Variants in GLTP observed in about 807,000 individuals in gnomAD.
The protein encoded by GLTP is glycolipid transfer protein.
A neutral mutation model predicts 24.0 loss-of-function variants in GLTP; 22 were observed. That is an observed-to-expected ratio of 0.92 (90% CI 0.65 to 1.31). The LOEUF (loss-of-function observed/expected upper bound fraction) is 1.31. Among genes scored for constraint, GLTP ranks in the 50% most tolerant of loss-of-function variants. GLTP has a pLI of 0.00. For missense variants in GLTP, 224 were observed against 276.6 expected, an observed-to-expected ratio of 0.81 and a Z score of 1.35; for synonymous variants, 92 against 115.9, an observed-to-expected ratio of 0.79 and a Z score of 1.33.
At chr12:109,868,813 A>G (rs1432458472) in intron 1 of GLTP, among the ~76,000 whole-genome samples, 1 of 152,148 alleles carries the variant, frequency 6.6e-6, no homozygotes. Flanking sequence ...AAGACACTCA[A>G]ATTACAGCTG....
intron 1 of GLTP, among the ~76,000 whole-genome samples, chr12:109,871,258 T>C (rs567159322): frequency 6.6e-6 from 1 of 152,036 alleles, no homozygotes; most frequent in East Asian, 1.9e-4. Context: ...AATTTTTTTT[T>C]GTATTTTTAG....
intron 1 of GLTP, among the ~76,000 whole-genome samples, chr12:109,867,843 T>C (rs1002771168): frequency 6.7e-6 from 1 of 150,112 alleles, no homozygotes; most frequent in Admixed American, 6.7e-5. Flanking sequence ...ACTGACACGA[T>C]CTCAGCTCAC....
At chr12:109,871,803 C>T (rs1414977579) in intron 1 of GLTP, among the ~76,000 whole-genome samples, 1 of 152,226 alleles carries the variant, frequency 6.6e-6, no homozygotes, top group Non-Finnish European at 1.5e-5. Context: ...TGAATTCCTC[C>T]CATTCCTTTT....
rs143652458 is a variant in GLTP, at chr12:109,854,042, G to A, written c.448-1305C>T. 1.8e-3 allele frequency among the ~76,000 whole-genome samples: 266 copies of A among 149,736 alleles called. 1 individual carries two copies. The highest frequency in any genetic ancestry group is 2.8e-3 in the Non-Finnish European group (192 of 67,512). ...TTACAGGCATGAGCCACCGCGCCTG[G>A]CCAAATATTATTCTTTCATAATAAA... On this transcript the variant is annotated intron_variant, in intron 4 of 4. Coordinates refer to ENST00000318348, the MANE Select transcript of GLTP (RefSeq NM_016433.4).
intron 1 of GLTP, among the ~76,000 whole-genome samples, chr12:109,872,324 G>A (rs2136049059): frequency 6.6e-6 from 1 of 152,064 alleles, no homozygotes; most frequent in East Asian, 1.9e-4. Context: ...ACAGCTGTTG[G>A]GAAACGGAGC....
At chr12:109,873,764 A>C (rs1408862346) in intron 1 of GLTP, among the ~76,000 whole-genome samples, 3 of 151,872 alleles carry the variant, frequency 2.0e-5, no homozygotes, top group African/African-American at 7.3e-5. Flanking sequence ...AGCTGTGATC[A>C]CCCCACTGCA....
intron 1 of GLTP, among the ~76,000 whole-genome samples, chr12:109,871,081 C>CTTTTTTTTT (rs965998479): frequency 2.6e-5 from 3 of 114,434 alleles, no homozygotes; most frequent in African/African-American, 3.4e-5. Context: ...CATTTCCATT[C>CTTTTTTTTT]TTTTTTTTTT....
intron 1 of GLTP, chr12:109,860,399 T>C (rs1354722553): frequency 4.7e-6 from 1 of 214,094 alleles, no homozygotes; most frequent in East Asian, 1.1e-4. Flanking sequence ...TTCTCGCCAT[T>C]GTCTTCAATA....
At chr12:109,876,616 G>C (rs1444469236) in intron 1 of GLTP, among the ~76,000 whole-genome samples, 1 of 148,372 alleles carries the variant, frequency 6.7e-6, no homozygotes, top group Non-Finnish European at 1.5e-5. Flanking sequence ...AAGGGAGGAA[G>C]GGAGGGGGAG....
At chr12:109,854,505 T>G (rs2136041887) in intron 4 of GLTP, among the ~76,000 whole-genome samples, 1 of 152,346 alleles carries the variant, frequency 6.6e-6, no homozygotes, top group East Asian at 1.9e-4. Context: ...TATACCCATT[T>G]GAAAGATGAT....
At chr12:109,856,872 A>G (rs1000700568) in intron 3 of GLTP, among the ~76,000 whole-genome samples, 2 of 152,102 alleles carry the variant, frequency 1.3e-5, no homozygotes, top group African/African-American at 4.8e-5. Context: ...TGTCTCTACT[A>G]AAAATACAAA....
intron 1 of GLTP, among the ~76,000 whole-genome samples, chr12:109,864,795 T>C (rs1424492038): frequency 6.6e-6 from 1 of 152,210 alleles, no homozygotes; most frequent in African/African-American, 2.4e-5. Context: ...ACGATTTTAA[T>C]TCCCAAGCAT....
Position 109,858,687 on chromosome 12 carries a change from ATGT to A in GLTP, c.155_157del (p.Asn52del). The A allele has an allele frequency of 6.2e-7, 1 of 1,612,332 alleles. No homozygotes were observed. The highest frequency in any genetic ancestry group is 2.2e-5 in the East Asian group (1 of 44,862). On this transcript the variant is annotated inframe_deletion, in exon 2 of 5. Transcript: ENST00000318348. ...GCTGCCCGGCCAGGTACATACCGTGATGTTGCCGCTTATGTCTGCCTTGATGGG... is the reference window on the plus strand; with the variant it reads ...GCTGCCCGGCCAGGTACATACCGTGATGCCGCTTATGTCTGCCTTGATGGG...
At chr12:109,852,945 A>G (rs1436409662) in intron 4 of GLTP, among the ~76,000 whole-genome samples, 1 of 152,192 alleles carries the variant, frequency 6.6e-6, no homozygotes, top group East Asian at 1.9e-4. Context: ...ACAAGCCTAG[A>G]TGCAAATGCC....
At chr12:109,863,521 G>A (rs1868428450) in intron 1 of GLTP, among the ~76,000 whole-genome samples, 1 of 152,180 alleles carries the variant, frequency 6.6e-6, no homozygotes, top group Non-Finnish European at 1.5e-5. Context: ...ATGGACTGTG[G>A]GAAACGTGGA....
At chr12:109,862,620 T>G (rs1437029470) in intron 1 of GLTP, among the ~76,000 whole-genome samples, 2 of 152,128 alleles carry the variant, frequency 1.3e-5, no homozygotes, top group Non-Finnish European at 2.9e-5. Context: ...CGTGGTGGCA[T>G]GTAACTGTAG....
chr12:109,859,432 T>C (rs1892843299), intron 1 of GLTP, among the ~76,000 whole-genome samples: 1 of 152,040 alleles, frequency 6.6e-6, no homozygotes, highest in African/African-American at 2.4e-5. Context: ...GGCAGGAAAA[T>C]TGCTTGAACC....
At chr12:109,854,692 T>C (rs1325046212) in intron 4 of GLTP, among the ~76,000 whole-genome samples, 1 of 152,170 alleles carries the variant, frequency 6.6e-6, no homozygotes, top group East Asian at 1.9e-4. Flanking sequence ...GGACACACTA[T>C]TACTACTGAC....
intron 1 of GLTP, among the ~76,000 whole-genome samples, chr12:109,865,839 C>G (rs1322767939): frequency 6.6e-6 from 1 of 152,202 alleles, no homozygotes; most frequent in Non-Finnish European, 1.5e-5. Context: ...CCTTGGTTAT[C>G]TGGAACAGCT....
Sources: allele counts gnomAD v4.1 joint callset (sites outside exome capture counted in the v4.1 genomes callset), GRCh38; gene constraint gnomAD v4.1.1; transcripts MANE v1.5; gene names NCBI Gene and HGNC (gene_info 2026-07-23, HGNC 2026-07-21).